FFAR1: variants seen among roughly 807,000 people sequenced by gnomAD.
The protein encoded by FFAR1 is free fatty acid receptor 1.
For synonymous variants in FFAR1, 216 were observed against 201.5 expected, an observed-to-expected ratio of 1.07 and a Z score of -0.61; for missense variants, 424 against 396.2, an observed-to-expected ratio of 1.07 and a Z score of -0.60.
chr19:35,351,926 G>A (rs1287654084), exon 1 of FFAR1: 2 of 1,614,028 alleles, frequency 1.2e-6, no homozygotes, highest in South Asian at 1.1e-5. Flanking sequence ...ATTCCTGGGG[G>A]GTGTGCGCGG....
At chr19:35,348,273 A>G (rs1222836964), upstream of FFAR1, among the ~76,000 whole-genome samples, 2 of 152,174 alleles carry the variant, frequency 1.3e-5, no homozygotes, top group Non-Finnish European at 2.9e-5. Context: ...TGTGAGCACC[A>G]TTAACTTTTC....
At chr19:35,353,547 ATAAAG>A (rs2066954040) in exon 1 of FFAR1, 1 of 152,272 alleles carries the variant, frequency 6.6e-6, no homozygotes, top group South Asian at 2.1e-4. Flanking sequence ...TATTCTTACA[ATAAAG>A]TAAGCTAGAG....
At chr19:35,351,693 C>G in exon 1 of FFAR1, 2 of 1,563,800 alleles carry the variant, frequency 1.3e-6, no homozygotes, top group African/African-American at 2.7e-5. Flanking sequence ...CGCCCTGAAC[C>G]TGGGCTGCTC....
exon 1 of FFAR1, chr19:35,352,361 G>A (rs757472012): frequency 6.4e-7 from 1 of 1,552,682 alleles, no homozygotes; most frequent in African/African-American, 1.4e-5. Flanking sequence ...GGAGTGTGGT[G>A]CTTAATCCGC....
exon 1 of FFAR1, chr19:35,352,713 C>T (rs1233560553): frequency 5.8e-5 from 32 of 554,352 alleles, no homozygotes; most frequent in Non-Finnish European, 5.8e-5. Flanking sequence ...CTATCTTTCT[C>T]TCCCCTCTGC....
chr19:35,348,941 C>T (rs2145689754), upstream of FFAR1, among the ~76,000 whole-genome samples: 1 of 152,316 alleles, frequency 6.6e-6, no homozygotes, highest in African/African-American at 2.4e-5. Context: ...CAGCTGCTGA[C>T]ATAAACCTAC....
upstream of FFAR1, among the ~76,000 whole-genome samples, chr19:35,348,672 G>A (rs2066931640): frequency 6.6e-6 from 1 of 152,190 alleles, no homozygotes; most frequent in South Asian, 2.1e-4. Context: ...ATGGGGTCTG[G>A]TGTCATTCAA....
exon 1 of FFAR1, chr19:35,352,173 G>C: frequency 1.2e-6 from 2 of 1,607,996 alleles, no homozygotes; most frequent in East Asian, 2.2e-5. Context: ...CTGCCTCCGG[G>C]CACTGGCCCG....
At chr19:35,351,853 G>A in exon 1 of FFAR1, 1 of 1,612,716 alleles carries the variant, frequency 6.2e-7, no homozygotes, top group Non-Finnish European at 8.5e-7. Flanking sequence ...GCCGCCCTGA[G>A]TGCAGGCCGC....
chr19:35,349,709 A>G (rs114208285), upstream of FFAR1, among the ~76,000 whole-genome samples: 839 of 152,250 alleles, frequency 5.5e-3, 7 homozygotes, highest in African/African-American at 0.019. Context: ...GGGGACCTGG[A>G]ATTCGGAAGG....
exon 1 of FFAR1, chr19:35,352,598 T>G (rs1280853390): frequency 1.4e-5 from 12 of 847,836 alleles, no homozygotes; most frequent in Non-Finnish European, 2.1e-5. Flanking sequence ...CGGCGCCTGC[T>G]GAGGGCAGCA....
upstream of FFAR1, among the ~76,000 whole-genome samples, chr19:35,349,771 C>T (rs2066936547): frequency 6.6e-6 from 1 of 152,128 alleles, no homozygotes; most frequent in Non-Finnish European, 1.5e-5. Flanking sequence ...ATGTGGAGAG[C>T]TGTGTTGTCA....
exon 1 of FFAR1, chr19:35,352,317 T>C (rs2066949174): frequency 5.2e-6 from 8 of 1,552,262 alleles, no homozygotes; most frequent in Non-Finnish European, 7.0e-6. Flanking sequence ...TCTAGGAGGC[T>C]CCTGGCGGAA....
In FFAR1 at chr19:35,351,623, C is replaced by T. The variant is rs138336486; in HGVS notation, c.72C>T (p.Val24=). 2,069 of 1,543,536 alleles carry T rather than the reference C, an allele frequency of 1.3e-3. 6 individuals are homozygous for T. Among genetic ancestry groups the T allele is most frequent in the Non-Finnish European group, 9.9e-4 (1,142 of 1,147,842 alleles). The change falls in exon 1 of 1, where the codon GTC becomes GTT. Residue 24 remains valine (V), a synonymous_variant. Coordinates refer to ENST00000246553, the Ensembl canonical transcript of FFAR1. ...TTGCGCTGGGCTTCCCGCTCAACGT[C>T]CTGGCCATCCGAGGCGCGACGGCCC...
chr19:35,348,473 C>T (rs78663066), upstream of FFAR1, among the ~76,000 whole-genome samples: 7,880 of 152,244 alleles, frequency 0.052, 520 homozygotes, highest in African/African-American at 0.15. Context: ...GTGATTCACA[C>T]CTGTAATCTC....
At chr19:35,350,644 CCCTCACCTCCTCTGGCGTGG>C (rs1293160976), upstream of FFAR1, among the ~76,000 whole-genome samples, 1 of 152,162 alleles carries the variant, frequency 6.6e-6, no homozygotes, top group Non-Finnish European at 1.5e-5. Context: ...TCTTCCCAGC[CCCTCACCTCCTCTGGCGTGG>C]CCTCACCTCC....
chr19:35,349,423 C>T (rs1048835150), upstream of FFAR1, among the ~76,000 whole-genome samples: 1 of 152,238 alleles, frequency 6.6e-6, no homozygotes, highest in African/African-American at 2.4e-5. Context: ...GGAAACCACA[C>T]TGCTGTGGAT....
chr19:35,351,622 T>A (rs762839741), exon 1 of FFAR1: 1 of 1,543,334 alleles, frequency 6.5e-7, no homozygotes, highest in South Asian at 1.2e-5. Context: ...CCGCTCAACG[T>A]CCTGGCCATC....
At chr19:35,348,093 TCAGGGAGATTGGCTCCTGGCACGTGG>T (rs1260289064), upstream of FFAR1, among the ~76,000 whole-genome samples, 1 of 152,234 alleles carries the variant, frequency 6.6e-6, no homozygotes, top group Non-Finnish European at 1.5e-5. Flanking sequence ...TATCTGATCA[TCAGGGAGATTGGCTCCTGGCACGTGG>T]CAGGTGTCCC....
Sources: allele counts gnomAD v4.1 joint callset (sites outside exome capture counted in the v4.1 genomes callset), GRCh38; gene constraint gnomAD v4.1.1; transcripts MANE v1.5; gene names NCBI Gene and HGNC (gene_info 2026-07-23, HGNC 2026-07-21).